NSMAF: variants seen among roughly 807,000 people sequenced by gnomAD.
The protein encoded by NSMAF is protein FAN.
A neutral mutation model predicts 134.9 loss-of-function variants in NSMAF; 90 were observed. The ratio of observed to expected loss-of-function variants is 0.67; its 90% confidence interval spans 0.56 to 0.79. NSMAF has a LOEUF of 0.79. Ranked by LOEUF, NSMAF falls within the 30% of genes least tolerant of loss-of-function variation. The pLI is 0.00. For synonymous variants in NSMAF, 358 were observed against 389.6 expected (o/e 0.92, Z 0.96); for missense variants, 1,010 against 1,119.0 (o/e 0.90, Z 1.39).
chr8:58,659,455 C>T (rs1415488125), intron 1 of NSMAF, 118 bp downstream of exon 1: 3 of 1,493,470 alleles, frequency 2.0e-6, no homozygotes, highest in Admixed American at 2.1e-5. Context: ...ACGCGTCCGG[C>T]CCCTGCCTCC....
chr8:58,587,635 G>C lies in NSMAF; in HGVS notation c.2278C>G (p.Leu760Val). 6.2e-7 allele frequency: 1 copy of C among 1,614,060 alleles called. No homozygotes were observed. The highest frequency in any genetic ancestry group is 8.5e-7 in the Non-Finnish European group (1 of 1,179,940). Residue 760 changes from leucine to valine, a missense_variant, in exon 27 of 31, where the codon CTG becomes GTG. Transcript: ENST00000038176. ...GTACTCACACTGACATCATGTTCCAGCTCGGCCAGCAAGTCAAAGTGGTGT... is the reference window on the plus strand; with the variant it reads ...GTACTCACACTGACATCATGTTCCACCTCGGCCAGCAAGTCAAAGTGGTGT... ...KRHHFDLLAELEHDVSVDTIS... is the reference protein window; with the variant it reads ...KRHHFDLLAEVEHDVSVDTIS...
intron 1 of NSMAF, among the ~76,000 whole-genome samples, chr8:58,657,617 C>A (rs7830228): frequency 0.53 from 80,882 of 152,086 alleles, 21,933 homozygotes; most frequent in African/African-American, 0.6. Context: ...CAGTGCATAC[C>A]TGATGTGAGA....
chr8:58,635,805 T>G (rs1488974505), intron 2 of NSMAF, among the ~76,000 whole-genome samples: 3 of 152,240 alleles, frequency 2.0e-5, no homozygotes, highest in African/African-American at 7.2e-5. Flanking sequence ...CTCCATATAG[T>G]TTACAGCATC....
At chr8:58,598,490 C>CAAAAAAAAAAAAAAAAAA (rs71250204) in intron 19 of NSMAF, among the ~76,000 whole-genome samples, 19 of 125,978 alleles carry the variant, frequency 1.5e-4, no homozygotes, top group African/African-American at 5.0e-4. Flanking sequence ...CTGTCTCAAA[C>CAAAAAAAAAAAAAAAAAA]AAAAAAAAAA....
Position 58,632,649 on chromosome 8 carries a change from C to A in NSMAF, c.334-1103G>T, listed in dbSNP as rs1458014514. Among the ~76,000 whole-genome samples the A allele has an allele frequency of 3.3e-5, 5 of 152,142 alleles. No homozygotes were observed. The East Asian group carries it at 9.6e-4, about 29-fold the overall frequency. ...CACACCACTCTGTCCACTCTCAGTC[C>A]CCAGGAAATCTTATCCAGCCACAGG... On this transcript the variant is annotated intron_variant, in intron 5 of 30. Transcript: ENST00000038176.
chr8:58,653,498 A>T (rs76568131), intron 1 of NSMAF, among the ~76,000 whole-genome samples: 2,435 of 152,222 alleles, frequency 0.016, 56 homozygotes, highest in East Asian at 0.08. Context: ...GGAAAATCCC[A>T]TACAAAGCAA....
At chr8:58,606,203 T>C (rs2129141885) in intron 11 of NSMAF, among the ~76,000 whole-genome samples, 168 bp from the exon 12 acceptor site, 1 of 152,244 alleles carries the variant, frequency 6.6e-6, no homozygotes, top group East Asian at 1.9e-4. Context: ...TATATACACA[T>C]ATACGTTTGC....
chr8:58,589,238 TATAG>T (rs1261857670), intron 26 of NSMAF, among the ~76,000 whole-genome samples: 3 of 147,840 alleles, frequency 2.0e-5, no homozygotes, highest in Non-Finnish European at 3.0e-5. Flanking sequence ...AAATATATAT[TATAG>T]ATATATTTTA....
intron 7 of NSMAF, 69 bp downstream of exon 7, chr8:58,623,640 A>G (rs750897971): frequency 3.4e-4 from 459 of 1,367,340 alleles, no homozygotes; most frequent in Non-Finnish European, 4.5e-4. Flanking sequence ...TAAGGTATAT[A>G]AATACGAAAT....
intron 1 of NSMAF, among the ~76,000 whole-genome samples, chr8:58,644,213 T>C (rs2129147517): frequency 6.6e-6 from 1 of 152,330 alleles, no homozygotes; most frequent in South Asian, 2.1e-4. Context: ...ATATGTTTAT[T>C]TCACTGCCTC....
rs1807821483 is a variant in NSMAF, at chr8:58,659,754, C to T, written c.-123G>A. 1 of 696,684 alleles carries T rather than the reference C, an allele frequency of 1.4e-6. No individual in the cohort carries two copies. The highest frequency in any genetic ancestry group is 1.9e-5 in the African/African-American group (1 of 53,224). 43.2% of individuals were successfully genotyped at this position (696,684 alleles called of 1,614,324 possible). A position where few individuals can be genotyped will look rare whatever the true frequency, so the allele number is the denominator to read the frequency against. ...GGCTGGGGAGCGCGCGGCTGCCGGC[C>T]TGGCTTCCCCTGCGGCGCCGCTGGG... On this transcript the variant is annotated 5_prime_UTR_variant, in exon 1 of 31. Transcript: ENST00000038176.
At chr8:58,600,129 T>C (rs943563782) in intron 16 of NSMAF, 108 bp from the exon 17 acceptor site, 1 of 783,942 alleles carries the variant, frequency 1.3e-6, no homozygotes, top group South Asian at 1.6e-5. Context: ...TAACTTCTGT[T>C]TGTCATTTCC....
At chr8:58,595,073 T>C (rs1806105493) in intron 22 of NSMAF, among the ~76,000 whole-genome samples, 1 of 152,234 alleles carries the variant, frequency 6.6e-6, no homozygotes, top group African/African-American at 2.4e-5. Context: ...ACATATCATC[T>C]CTGGGTCCAA....
At position 58,597,489 on chromosome 8, in the gene NSMAF, G is replaced by C. The variant is rs757270938; in HGVS notation, c.1690C>G (p.Pro564Ala). 3.1e-6 allele frequency: 5 copies of C among 1,613,996 alleles called. No homozygotes were observed. The highest frequency in any genetic ancestry group is 4.2e-6 in the Non-Finnish European group (5 of 1,179,974). Residue 564 changes from proline (P) to alanine (A), a missense_variant, in exon 21 of 31, where the codon CCA becomes GCA. Transcript: ENST00000038176. ...LTQILEFGQT[P>A]KQLFVTPHPR... ...TGTGGTGTCACAAATAGTTGTTTTG[G>C]TGTCTGCCCAAATTCCAAGATTTGC... is the stretch of plus-strand genomic sequence containing the variant.
rs75471338 is a variant in NSMAF, at chr8:58,609,328, T to C, written c.687+276A>G. On this transcript the variant is annotated intron_variant, in intron 10 of 30. Coordinates refer to ENST00000038176, the MANE Select transcript of NSMAF (RefSeq NM_003580.4). ...AAAGGTCTAAATCTCTAGCGACCCT[T>C]TACTAAAATAGGGAGGAGCAGGGTT... 5.8e-4 allele frequency among the ~76,000 whole-genome samples: 88 copies of C among 152,280 alleles called. No individual in the cohort carries two copies. In the East Asian group the frequency reaches 0.016, roughly 28 times the overall value.
chr8:58,584,660 G>T (rs1805845226), intron 30 of NSMAF, among the ~76,000 whole-genome samples: 1 of 152,074 alleles, frequency 6.6e-6, no homozygotes, highest in African/African-American at 2.4e-5. Flanking sequence ...TTTTGAAATA[G>T]TCTCGCTCTT....
chr8:58,585,669 C>G lies in NSMAF; in HGVS notation c.2642G>C (p.Arg881Thr). 1 of 1,613,616 alleles carries G rather than the reference C, an allele frequency of 6.2e-7. No individual in the cohort carries two copies. Among genetic ancestry groups the G allele is most frequent in the Non-Finnish European group, 8.5e-7 (1 of 1,179,520 alleles). The change falls in exon 30 of 31, where the codon AGA (arginine) becomes ACA (threonine). Residue 881 changes from arginine (R) to threonine (T), a missense_variant. Coordinates refer to ENST00000038176, the MANE Select transcript of NSMAF (RefSeq NM_003580.4). ...WDLLGAKISE[R>T]IQGHTGAVTC... ...CTGCTTACCTGTGTGGCCCTGTATT[C>G]TCTCACTGATTTTTGCTCCAAGGAG...
chr8:58,645,171 G>C (rs1171669734), intron 1 of NSMAF, among the ~76,000 whole-genome samples: 1 of 151,664 alleles, frequency 6.6e-6, no homozygotes, highest in Non-Finnish European at 1.5e-5. Context: ...GGTTTGTAAA[G>C]CATGAGGGTG....
chr8:58,649,660 A>G (rs1807538681), intron 1 of NSMAF, among the ~76,000 whole-genome samples: 1 of 152,218 alleles, frequency 6.6e-6, no homozygotes, highest in Admixed American at 6.5e-5. Context: ...ATGCTCAGTT[A>G]GTTCACATGA....
Sources: gnomAD v4.1 joint callset for allele counts (sites outside exome capture counted in the v4.1 genomes callset) on GRCh38, gnomAD v4.1.1 for gene constraint, MANE v1.5 for transcripts, NCBI Gene and HGNC (gene_info 2026-07-23, HGNC 2026-07-21) for gene names.